SLC30A8: variants seen among roughly 807,000 people sequenced by gnomAD.
SLC30A8 encodes the protein proton-coupled zinc antiporter SLC30A8.
A neutral mutation model predicts 36.9 loss-of-function variants in SLC30A8; 27 were observed. The ratio of observed to expected loss-of-function variants is 0.73; its 90% CI spans 0.54 to 1.01. The LOEUF (loss-of-function observed/expected upper bound fraction) is 1.01, where lower values mean the gene tolerates loss of function less well. SLC30A8 is among the 50% of genes least tolerant of loss of function. SLC30A8 has a pLI of 0.00. For synonymous variants in SLC30A8, 164 were observed against 172.4 expected (o/e 0.95, Z 0.38); for missense variants, 439 against 452.0 (o/e 0.97, Z 0.26).
chr8:117,064,308 T>G (rs540117210), intron 2 of SLC30A8, among the ~76,000 whole-genome samples: 9 of 152,266 alleles, frequency 5.9e-5, no homozygotes, highest in South Asian at 2.1e-4. Context: ...AAATCCTTGA[T>G]GTAGAGTGTT....
At chr8:117,102,283 A>G (rs1819757873) in intron 2 of SLC30A8, among the ~76,000 whole-genome samples, 2 of 152,204 alleles carry the variant, frequency 1.3e-5, no homozygotes, top group African/African-American at 2.4e-5. Context: ...TGTCTTAAAT[A>G]TACCTATTTC....
chr8:117,153,238 A>G (rs1242566647), intron 3 of SLC30A8, 148 bp downstream of exon 3: 73 of 729,884 alleles, frequency 1.0e-4, no homozygotes, highest in Non-Finnish European at 8.3e-6. Flanking sequence ...TGTATGTGGG[A>G]ATGTGTGTTT....
rs1309390043 is a variant in SLC30A8, at chr8:117,041,080, C to T, written c.-226+1822C>T. 9.2e-5 allele frequency among the ~76,000 whole-genome samples: 14 copies of T among 152,296 alleles called. No homozygotes were observed. In the East Asian group the frequency reaches 1.7e-3, roughly 19 times the overall value. ...ATGCACAGATGCATGCTGGATTCCG[C>T]GGTGCCAAACCAAACAGTTTGCCAT... On this transcript the variant is annotated intron_variant, in intron 2 of 10. Transcript: ENST00000427715.
At chr8:117,149,347 T>TATTA (rs1448254901) in intron 2 of SLC30A8, among the ~76,000 whole-genome samples, 7 of 152,244 alleles carry the variant, frequency 4.6e-5, no homozygotes, top group African/African-American at 1.4e-4. Context: ...TGATAGTAGC[T>TATTA]ATTATTTATT....
intron 1 of SLC30A8, among the ~76,000 whole-genome samples, chr8:116,988,560 T>G (rs1563736536): frequency 1.3e-5 from 2 of 152,226 alleles, no homozygotes; most frequent in Non-Finnish European, 2.9e-5. Context: ...TTACTCCTCT[T>G]AGAAGCCTCC....
chr8:116,981,219 G>A lies in SLC30A8; in HGVS notation c.-266+30100G>A, dbSNP rs1815247697. 3.3e-5 allele frequency among the ~76,000 whole-genome samples: 5 copies of A among 152,286 alleles called. No individual in the cohort carries two copies. The South Asian group carries it at 1.0e-3, about 32-fold the overall frequency. On this transcript the variant is annotated intron_variant, in intron 1 of 10. Transcript: ENST00000427715. ...GCTGGGACTCTCACTCTAGTATGGT[G>A]ACTTTGTGGTAGCTGCACTTTTTGC... is the stretch of plus-strand genomic sequence containing the variant.
chr8:117,174,779 A>G lies in SLC30A8; in HGVS notation c.*2098A>G, dbSNP rs1254397486. 1.3e-5 allele frequency: 2 copies of G among 152,532 alleles called. No individual in the cohort carries two copies. The highest frequency in any genetic ancestry group is 2.9e-5 in the Non-Finnish European group (2 of 67,994). 9.4% of individuals were successfully genotyped at this position (152,532 alleles called of 1,614,324 possible). ...GGAGATTTGTGTGTCAACCAAAGTA[A>G]TTGTCCCATGGCCCCAGGGTATTTC... On this transcript the variant is annotated 3_prime_UTR_variant, in exon 8 of 8. Coordinates refer to ENST00000456015, the MANE Select transcript of SLC30A8 (RefSeq NM_173851.3).
At position 117,175,488 on chromosome 8, in the gene SLC30A8, G is replaced by A. The variant is rs1276386213; in HGVS notation, c.*2807G>A. On this transcript the variant is annotated 3_prime_UTR_variant, in exon 8 of 8. Coordinates refer to ENST00000456015, the MANE Select transcript of SLC30A8 (RefSeq NM_173851.3). ...TTACACATTAAGCATCAGTTCTGAA[G>A]CTAGATTGTCTGAGTTTGAATCTTA... 6.6e-6 allele frequency: 1 copy of A among 152,076 alleles called. No individual in the cohort carries two copies. The highest frequency in any genetic ancestry group is 1.5e-5 in the Non-Finnish European group (1 of 67,992). The allele number at this position is 152,076 out of a possible 1,614,324, so 9.4% of individuals were successfully genotyped here. A position where few individuals can be genotyped will look rare whatever the true frequency, so the allele number is the denominator to read the frequency against.
chr8:117,022,698 C>A (rs1482123223), intron 1 of SLC30A8, among the ~76,000 whole-genome samples: 1 of 152,176 alleles, frequency 6.6e-6, no homozygotes, highest in African/African-American at 2.4e-5. Flanking sequence ...AACTGGATCC[C>A]TTCCTTACAC....
chr8:117,002,947 A>G (rs969861162), intron 1 of SLC30A8, among the ~76,000 whole-genome samples: 1 of 152,294 alleles, frequency 6.6e-6, no homozygotes, highest in South Asian at 2.1e-4. Flanking sequence ...GTGAATTTCA[A>G]TATTTTGAAA....
Position 117,171,172 on chromosome 8 carries a change from A to C in SLC30A8, c.964+4A>C. 6.2e-7 allele frequency: 1 copy of C among 1,613,496 alleles called. No homozygotes were observed. The highest frequency in any genetic ancestry group is 8.5e-7 in the Non-Finnish European group (1 of 1,179,558). On this transcript the variant is annotated splice_donor_region_variant and intron_variant, in intron 7 of 7. Coordinates refer to ENST00000456015, the MANE Select transcript of SLC30A8 (RefSeq NM_173851.3). ...CTCTCAGCTCATGTTGCTACAGGTC[A>C]GTGAGTTTTGTAAACACCCTGGAAA... is the stretch of plus-strand genomic sequence containing the variant.
rs1481838566 is a variant in SLC30A8 at position 117,175,503 on chromosome 8, T to A, written c.*2822T>A. The A allele has an allele frequency of 6.6e-6, 1 of 152,056 alleles. No individual in the cohort carries two copies. The highest frequency in any genetic ancestry group is 1.9e-4 in the East Asian group (1 of 5,162). The allele number at this position is 152,056 out of a possible 1,614,324, so 9.4% of individuals were successfully genotyped here. Reference sequence around the variant, plus strand: ...CAGTTCTGAAGCTAGATTGTCTGAGTTTGAATCTTAGCTCTTCCCTTTATT... The same window carrying A: ...CAGTTCTGAAGCTAGATTGTCTGAGATTGAATCTTAGCTCTTCCCTTTATT... On this transcript the variant is annotated 3_prime_UTR_variant, in exon 8 of 8. Transcript: ENST00000456015.
At chr8:117,105,084 T>G (rs1278085411) in intron 2 of SLC30A8, among the ~76,000 whole-genome samples, 1 of 152,154 alleles carries the variant, frequency 6.6e-6, no homozygotes, top group Non-Finnish European at 1.5e-5. Context: ...AGTTGTTTCA[T>G]CAGCAAGGTC....
intron 2 of SLC30A8, among the ~76,000 whole-genome samples, chr8:117,152,098 C>G (rs995873749): frequency 1.8e-4 from 28 of 152,074 alleles, no homozygotes; most frequent in African/African-American, 6.8e-4. Flanking sequence ...TTGTAGTACA[C>G]AAGGCAATAA....
intron 2 of SLC30A8, among the ~76,000 whole-genome samples, chr8:117,124,352 T>G (rs1403821190): frequency 1.3e-5 from 2 of 151,888 alleles, no homozygotes; most frequent in African/African-American, 4.8e-5. Context: ...TGCTCACAGC[T>G]ACAAAGATTT....
intron 2 of SLC30A8, among the ~76,000 whole-genome samples, chr8:117,105,539 T>C (rs1261428048): frequency 1.3e-5 from 2 of 152,108 alleles, no homozygotes; most frequent in East Asian, 1.9e-4. Flanking sequence ...TTTTAAGAAA[T>C]TGGTTCGTAA....
intron 2 of SLC30A8, among the ~76,000 whole-genome samples, chr8:117,121,261 A>C (rs1820682700): frequency 6.6e-6 from 1 of 151,998 alleles, no homozygotes; most frequent in African/African-American, 2.4e-5. Context: ...TAATGGATGA[A>C]TGGATAATGA....
intron 2 of SLC30A8, among the ~76,000 whole-genome samples, chr8:117,059,853 A>G (rs1456423278): frequency 6.6e-6 from 1 of 152,064 alleles, no homozygotes; most frequent in African/African-American, 2.4e-5. Context: ...TGTGAGTAGG[A>G]TGGATTAGAG....
At chr8:116,986,687 G>A (rs910431568) in intron 1 of SLC30A8, among the ~76,000 whole-genome samples, 2 of 152,112 alleles carry the variant, frequency 1.3e-5, no homozygotes, top group African/African-American at 4.8e-5. Context: ...AGCCTTCTCA[G>A]TCATCAGCAA....
Sources: gnomAD v4.1 joint callset for allele counts (sites outside exome capture counted in the v4.1 genomes callset) on GRCh38, gnomAD v4.1.1 for gene constraint, MANE v1.5 for transcripts, NCBI Gene and HGNC (gene_info 2026-07-23, HGNC 2026-07-21) for gene names.